The following PRAC2 variants were observed in gnomAD, a reference collection of about 807,000 sequenced individuals.
PRAC2 encodes the protein PRAC2 small nuclear protein, also known as protein PRAC2.
For missense variants in PRAC2, 92 were observed against 114.5 expected (o/e 0.80, Z 0.90); for synonymous variants, 43 against 49.5 (o/e 0.87, Z 0.55).
At chr17:48,720,739 G>A (rs186649238), upstream of PRAC2, among the ~76,000 whole-genome samples, 1 of 152,154 alleles carries the variant, frequency 6.6e-6, no homozygotes, top group African/African-American at 2.4e-5. Context: ...TCCCCTGTTT[G>A]CATATATGCA....
upstream of PRAC2, chr17:48,722,511 G>C: frequency 1.2e-6 from 1 of 832,500 alleles, no homozygotes; most frequent in Non-Finnish European, 2.0e-6. Context: ...TAGGCTAGGA[G>C]AGGAAGGACG....
At chr17:48,722,542 C>T, upstream of PRAC2, 3 of 681,714 alleles carry the variant, frequency 4.4e-6, no homozygotes, top group African/African-American at 3.5e-5. Context: ...ACTGGGTGCC[C>T]CTCTCCCTGT....
At chr17:48,721,976 C>T (rs1187064472), upstream of PRAC2, 1 of 1,385,678 alleles carries the variant, frequency 7.2e-7, no homozygotes, top group African/African-American at 1.5e-5. Flanking sequence ...TGCCAGGACT[C>T]CATCCCATTG....
At chr17:48,722,312 G>C, upstream of PRAC2, 1 of 1,612,400 alleles carries the variant, frequency 6.2e-7, no homozygotes, top group Non-Finnish European at 8.5e-7. Flanking sequence ...CCACCGATCA[G>C]TTTACCTTAT....
Position 48,724,694 on chromosome 17 carries a change from G to C in PRAC2, c.*11G>C. The C allele has an allele frequency of 8.2e-7, 1 of 1,225,952 alleles. No individual in the cohort carries two copies. The highest frequency in any genetic ancestry group is 1.0e-6 in the Non-Finnish European group (1 of 982,408). The allele number at this position is 1,225,952 out of a possible 1,614,324, so 75.9% of individuals were successfully genotyped here. A position where few individuals can be genotyped will look rare whatever the true frequency, so the allele number is the denominator to read the frequency against. ...CTCCTGGAGTGGTGAGCCTCTGTCGGAAGGGGGCGCCCACGTCTTTTTAAT... is the reference window on the plus strand; with the variant it reads ...CTCCTGGAGTGGTGAGCCTCTGTCGCAAGGGGGCGCCCACGTCTTTTTAAT... On this transcript the variant is annotated 3_prime_UTR_variant, in exon 2 of 2. Transcript: ENST00000422730.
At chr17:48,723,699 C>A in intron 1 of PRAC2, 4 of 1,231,712 alleles carry the variant, frequency 3.2e-6, no homozygotes, top group Non-Finnish European at 4.0e-6. Flanking sequence ...GAGTAAAACC[C>A]GAAAGATGGA....
At chr17:48,722,325 G>A, upstream of PRAC2, 1 of 1,613,556 alleles carries the variant, frequency 6.2e-7, no homozygotes, top group Non-Finnish European at 8.5e-7. Flanking sequence ...TACCTTATTA[G>A]AGAGAAAAGC....
upstream of PRAC2, among the ~76,000 whole-genome samples, chr17:48,718,736 G>A (rs530707481): frequency 7.0e-4 from 106 of 152,264 alleles, no homozygotes; most frequent in Middle Eastern, 3.4e-3. Flanking sequence ...ATTCTTTCCC[G>A]GGCCGCGAAG....
upstream of PRAC2, among the ~76,000 whole-genome samples, chr17:48,719,954 C>G (rs910815567): frequency 6.6e-6 from 1 of 152,174 alleles, no homozygotes; most frequent in Non-Finnish European, 1.5e-5. Flanking sequence ...ATGTTTATAG[C>G]CTGACTCAAG....
chr17:48,723,554 T>A, intron 1 of PRAC2: 2 of 476,698 alleles, frequency 4.2e-6, no homozygotes, highest in Non-Finnish European at 6.7e-6. Flanking sequence ...TGGATGAGGC[T>A]TTTTCCTGCT....
At chr17:48,719,929 C>T (rs979384864), upstream of PRAC2, among the ~76,000 whole-genome samples, 3 of 152,154 alleles carry the variant, frequency 2.0e-5, no homozygotes, top group African/African-American at 7.2e-5. Flanking sequence ...GGCCTGGCTC[C>T]GGAGGGGTGA....
At chr17:48,718,735 C>T (rs1377530074), upstream of PRAC2, among the ~76,000 whole-genome samples, 1 of 152,128 alleles carries the variant, frequency 6.6e-6, no homozygotes, top group Non-Finnish European at 1.5e-5. Context: ...GATTCTTTCC[C>T]GGGCCGCGAA....
At chr17:48,723,785 A>G (rs1233260602) in intron 1 of PRAC2, 1 of 1,230,304 alleles carries the variant, frequency 8.1e-7, no homozygotes, top group Non-Finnish European at 1.0e-6. Context: ...GTTTCTACGC[A>G]TTGCGCCACT....
At chr17:48,719,742 A>G (rs1410144243), upstream of PRAC2, among the ~76,000 whole-genome samples, 1 of 152,244 alleles carries the variant, frequency 6.6e-6, no homozygotes, top group Non-Finnish European at 1.5e-5. Flanking sequence ...CGACCAAAAC[A>G]TTGGCCTGAC....
upstream of PRAC2, among the ~76,000 whole-genome samples, chr17:48,721,426 A>C (rs1416952341): frequency 6.6e-6 from 1 of 152,166 alleles, no homozygotes; most frequent in African/African-American, 2.4e-5. Context: ...CCCAGGTTCG[A>C]GCAATTCTTG....
upstream of PRAC2, among the ~76,000 whole-genome samples, chr17:48,719,193 T>G (rs2038121449): frequency 7.1e-6 from 1 of 141,738 alleles, no homozygotes; most frequent in Non-Finnish European, 1.5e-5. Context: ...TTAAACACAC[T>G]CGCACGCGCT....
In PRAC2 at chr17:48,724,210, C is replaced by T. The variant is rs577358854; in HGVS notation, c.-83-118C>T. 29 of 474,368 alleles carry T rather than the reference C, an allele frequency of 6.1e-5. No homozygotes were observed. In the South Asian group the frequency reaches 2.9e-3, roughly 48 times the overall value. 29.4% of individuals were successfully genotyped at this position (474,368 alleles called of 1,614,324 possible). On this transcript the variant is annotated intron_variant, in intron 1 of 1. Transcript: ENST00000422730. Reference sequence around the variant, plus strand: ...TTTGTAGATTTTGTTGTGATTTAAACACAAATAAGTGAGAGATTTCAATGT... The same window carrying T: ...TTTGTAGATTTTGTTGTGATTTAAATACAAATAAGTGAGAGATTTCAATGT...
At chr17:48,720,793 G>A (rs2038137465), upstream of PRAC2, among the ~76,000 whole-genome samples, 1 of 152,146 alleles carries the variant, frequency 6.6e-6, no homozygotes, top group Non-Finnish European at 1.5e-5. Flanking sequence ...AGGGTGTTTG[G>A]GTGCACCTGT....
At position 48,724,681 on chromosome 17, in the gene PRAC2, T is replaced by C; in HGVS notation, c.271T>C (p.Ter91ArgextTer20). The C allele has an allele frequency of 1.6e-6, 2 of 1,231,738 alleles. No homozygotes were observed. Among genetic ancestry groups the C allele is most frequent in the African/African-American group, 1.5e-5 (1 of 64,526 alleles). The allele number at this position is 1,231,738 out of a possible 1,614,324, so 76.3% of individuals were successfully genotyped here. The change falls in exon 2 of 2, where the codon TGA becomes CGA. Residue 91 changes from the stop codon to arginine (R), a stop_lost. Coordinates refer to ENST00000422730, the MANE Select transcript of PRAC2 (RefSeq NM_001282275.2). The part of the protein sequence containing the change: ...KACPQVLLEW[*>R] ...CTGCCCGCAGGTTCTCCTGGAGTGG[T>C]GAGCCTCTGTCGGAAGGGGGCGCCC... is the stretch of plus-strand genomic sequence containing the variant.
Sources: gnomAD v4.1 joint callset for allele counts (sites outside exome capture counted in the v4.1 genomes callset) on GRCh38, gnomAD v4.1.1 for gene constraint, MANE v1.5 for transcripts, NCBI Gene and HGNC (gene_info 2026-07-23, HGNC 2026-07-21) for gene names.